Variants in COX7B2 observed in about 807,000 individuals in gnomAD.
The protein encoded by COX7B2 is cytochrome c oxidase subunit 7B2, mitochondrial.
For missense variants in COX7B2, 109 were observed against 95.9 expected (o/e 1.14, Z -0.57); for synonymous variants, 37 against 32.1 (o/e 1.15, Z -0.51).
At chr4:46,774,483 A>G (rs1717048077) in intron 2 of COX7B2, among the ~76,000 whole-genome samples, 1 of 152,086 alleles carries the variant, frequency 6.6e-6, no homozygotes, top group Non-Finnish European at 1.5e-5. Flanking sequence ...TTATATTGGC[A>G]TCAATGTAGG....
At position 46,795,416 on chromosome 4, in the gene COX7B2, A is replaced by T. The variant is rs1303533764; in HGVS notation, c.-50+49544T>A. 2.7e-4 allele frequency among the ~76,000 whole-genome samples: 20 copies of T among 73,470 alleles called. 1 individual carries two copies. Among genetic ancestry groups the T allele is most frequent in the Admixed American group, 1.3e-3 (7 of 5,446 alleles). 48.2% of individuals were successfully genotyped at this position (73,470 alleles called of 152,430 possible). Reference sequence around the variant, plus strand: ...GGGATCCAGTTTCAGCTTTCTACATATGGCTAGCCAGTTTTCCCAGCACCA... The same window carrying T: ...GGGATCCAGTTTCAGCTTTCTACATTTGGCTAGCCAGTTTTCCCAGCACCA... On this transcript the variant is annotated intron_variant, in intron 2 of 2. Coordinates refer to ENST00000355591, the MANE Select transcript of COX7B2 (RefSeq NM_130902.3).
chr4:46,873,580 C>T (rs1321283661), intron 1 of COX7B2, among the ~76,000 whole-genome samples: 2 of 152,248 alleles, frequency 1.3e-5, no homozygotes, highest in East Asian at 3.9e-4. Flanking sequence ...TGAAGATGAG[C>T]ATTTTTTCAT....
chr4:46,747,296 TATTTTA>T (rs1460877359), intron 2 of COX7B2, among the ~76,000 whole-genome samples: 1 of 130,474 alleles, frequency 7.7e-6, no homozygotes, highest in Non-Finnish European at 1.7e-5. Context: ...TATTTTATTT[TATTTTA>T]TTTTATTTTA....
chr4:46,755,942 A>T (rs988379851), intron 2 of COX7B2, among the ~76,000 whole-genome samples: 4 of 152,100 alleles, frequency 2.6e-5, no homozygotes, highest in Admixed American at 2.6e-4. Context: ...ATCAGTTTTC[A>T]CAAAATTATT....
At chr4:46,830,314 ACT>A (rs1577623467) in intron 2 of COX7B2, among the ~76,000 whole-genome samples, 1 of 136,710 alleles carries the variant, frequency 7.3e-6, no homozygotes, top group Non-Finnish European at 1.5e-5. Context: ...ACAGAGCAAG[ACT>A]CTGTCTCCAA....
chr4:46,778,816 G>A (rs941330109), intron 2 of COX7B2, among the ~76,000 whole-genome samples: 1 of 152,086 alleles, frequency 6.6e-6, no homozygotes, highest in Non-Finnish European at 1.5e-5. Context: ...AATTTTCACT[G>A]TAGTAATTCA....
intron 2 of COX7B2, among the ~76,000 whole-genome samples, chr4:46,779,829 G>A (rs1474211650): frequency 3.3e-5 from 5 of 151,898 alleles, no homozygotes; most frequent in South Asian, 2.1e-4. Context: ...GGATGGAGTG[G>A]GGGGAAGCAA....
intron 2 of COX7B2, among the ~76,000 whole-genome samples, chr4:46,769,310 C>A (rs531600316): frequency 5.3e-5 from 8 of 152,116 alleles, no homozygotes; most frequent in African/African-American, 1.9e-4. Flanking sequence ...AACATAGATG[C>A]AAATATCTTC....
chr4:46,794,074 C>T (rs1037869068), intron 2 of COX7B2, among the ~76,000 whole-genome samples: 6 of 152,114 alleles, frequency 3.9e-5, no homozygotes, highest in Admixed American at 2.0e-4. Flanking sequence ...TGACAAGGCT[C>T]AAGTATCAGC....
chr4:46,779,674 C>T (rs1195484946), intron 2 of COX7B2, among the ~76,000 whole-genome samples: 2 of 152,122 alleles, frequency 1.3e-5, no homozygotes, highest in East Asian at 3.9e-4. Flanking sequence ...TTTCTCCACA[C>T]CCTCACCAAC....
At chr4:46,880,993 TAA>T (rs1215385422) in intron 1 of COX7B2, among the ~76,000 whole-genome samples, 56 of 102,812 alleles carry the variant, frequency 5.4e-4, no homozygotes, top group Non-Finnish European at 7.9e-4. Flanking sequence ...TAGAGTATAA[TAA>T]AAAAAAAAAA....
chr4:46,747,179 AT>A (rs1183179708), intron 2 of COX7B2, among the ~76,000 whole-genome samples: 1 of 151,912 alleles, frequency 6.6e-6, no homozygotes, highest in African/African-American at 2.4e-5. Flanking sequence ...TCCATTAGTT[AT>A]TTTTCCTAAT....
chr4:46,908,217 C>G (rs992616351), intron 1 of COX7B2, among the ~76,000 whole-genome samples: 1 of 152,110 alleles, frequency 6.6e-6, no homozygotes, highest in African/African-American at 2.4e-5. Flanking sequence ...GCAAATACCA[C>G]TGGCCATCCT....
At chr4:46,833,182 G>A (rs1026064394) in intron 2 of COX7B2, among the ~76,000 whole-genome samples, 22 of 152,244 alleles carry the variant, frequency 1.4e-4, no homozygotes, top group Admixed American at 1.4e-3. Context: ...TGGGATTACA[G>A]GTGTGAGCCA....
At chr4:46,879,457 G>A (rs754084702) in intron 1 of COX7B2, among the ~76,000 whole-genome samples, 7 of 151,460 alleles carry the variant, frequency 4.6e-5, no homozygotes, top group Non-Finnish European at 8.8e-5. Context: ...GCCCAGGCTG[G>A]TCTTGAACTG....
chr4:46,829,095 G>A (rs1027140390), intron 2 of COX7B2, among the ~76,000 whole-genome samples: 5 of 152,058 alleles, frequency 3.3e-5, no homozygotes, highest in African/African-American at 9.7e-5. Flanking sequence ...ATATTAAAAT[G>A]GATACAGCAT....
At chr4:46,890,344 TAGAA>T (rs1349489818) in intron 1 of COX7B2, among the ~76,000 whole-genome samples, 2 of 152,190 alleles carry the variant, frequency 1.3e-5, no homozygotes, top group African/African-American at 4.8e-5. Context: ...CCTATGCCAA[TAGAA>T]AGGGCATTGT....
intron 2 of COX7B2, among the ~76,000 whole-genome samples, chr4:46,756,742 A>G (rs962643232): frequency 2.6e-5 from 4 of 152,120 alleles, no homozygotes; most frequent in African/African-American, 9.7e-5. Context: ...AACCATAATG[A>G]GATACTATCG....
chr4:46,869,331 ACT>A (rs1249702603), intron 1 of COX7B2, among the ~76,000 whole-genome samples: 1 of 151,570 alleles, frequency 6.6e-6, no homozygotes, highest in Non-Finnish European at 1.5e-5. Flanking sequence ...CCAGCTTGTC[ACT>A]CTGTGTCTTT....
Sources: allele counts gnomAD v4.1 joint callset (sites outside exome capture counted in the v4.1 genomes callset), GRCh38; gene constraint gnomAD v4.1.1; transcripts MANE v1.5; gene names NCBI Gene and HGNC (gene_info 2026-07-23, HGNC 2026-07-21).